UTRN: variants seen among roughly 807,000 people sequenced by gnomAD.
The protein encoded by UTRN is utrophin.
A neutral mutation model predicts 463.9 loss-of-function variants in UTRN; 283 were observed. That is an observed-to-expected ratio of 0.61 (90% CI 0.55 to 0.67). The LOEUF (loss-of-function observed/expected upper bound fraction) is 0.67, where lower values mean the gene tolerates loss of function less well. Ranked by LOEUF, UTRN falls within the 30% of genes least tolerant of loss-of-function variation. The pLI is 0.00. For missense variants in UTRN, 3,922 were observed against 4,084.3 expected, an observed-to-expected ratio of 0.96 and a Z score of 1.08; for synonymous variants, 1,442 against 1,431.5, an observed-to-expected ratio of 1.01 and a Z score of -0.17.
chr6:144,435,894 T>C (rs1786490731), intron 9 of UTRN, 41 bp from the exon 10 acceptor site: 2 of 1,602,538 alleles, frequency 1.2e-6, no homozygotes, highest in Middle Eastern at 2.2e-4. Flanking sequence ...ACCTCTTGCT[T>C]TGATGATTAG....
chr6:144,399,872 C>CTA (rs1290765988), intron 2 of UTRN, among the ~76,000 whole-genome samples: 3 of 152,136 alleles, frequency 2.0e-5, no homozygotes, highest in Admixed American at 1.3e-4. Flanking sequence ...ATGTGTCTTG[C>CTA]TATACTTCTT....
At chr6:144,630,113 A>T (rs1776355683) in intron 51 of UTRN, among the ~76,000 whole-genome samples, 1 of 152,148 alleles carries the variant, frequency 6.6e-6, no homozygotes. Context: ...GCATGAACCC[A>T]GGAGGCGGAG....
At chr6:144,373,670 G>T (rs1219106800) in intron 2 of UTRN, among the ~76,000 whole-genome samples, 1 of 152,188 alleles carries the variant, frequency 6.6e-6, no homozygotes, top group East Asian at 1.9e-4. Flanking sequence ...ATTTTATGGC[G>T]TGTGAATTAC....
At chr6:144,774,194 A>G in intron 59 of UTRN, 96 bp from the exon 60 acceptor site, 1 of 1,199,222 alleles carries the variant, frequency 8.3e-7, no homozygotes, top group Admixed American at 3.1e-5. Context: ...CAAACATAAT[A>G]TTTTTTCATC....
chr6:144,818,343 T>C (rs1779263604), intron 65 of UTRN, among the ~76,000 whole-genome samples: 1 of 151,168 alleles, frequency 6.6e-6, no homozygotes, highest in Non-Finnish European at 1.5e-5. Flanking sequence ...TGGTGATTTT[T>C]TTTAACTTTA....
intron 2 of UTRN, among the ~76,000 whole-genome samples, chr6:144,334,474 G>A (rs1381518723): frequency 6.6e-6 from 1 of 152,000 alleles, no homozygotes; most frequent in East Asian, 1.9e-4. Flanking sequence ...CTCATAATCC[G>A]GGCAGCCTCA....
intron 23 of UTRN, among the ~76,000 whole-genome samples, chr6:144,465,519 T>A (rs1156997634): frequency 4.6e-5 from 7 of 152,260 alleles, no homozygotes; most frequent in African/African-American, 1.4e-4. Flanking sequence ...GTACTTTTTT[T>A]ATTTGCTTCT....
intron 50 of UTRN, among the ~76,000 whole-genome samples, chr6:144,569,761 G>A (rs1800766116): frequency 6.6e-6 from 1 of 152,148 alleles, no homozygotes; most frequent in South Asian, 2.1e-4. Flanking sequence ...GATTATTCTG[G>A]ATTTTCTGGG....
chr6:144,577,004 G>A, intron 50 of UTRN, 95 bp from the exon 51 acceptor site: 1 of 1,221,070 alleles, frequency 8.2e-7, no homozygotes, highest in South Asian at 1.5e-5. Context: ...GGTCCTTTGG[G>A]GGCTGCCTGT....
Position 144,603,495 on chromosome 6 carries a change from T to C in UTRN, c.7479+26207T>C, listed in dbSNP as rs188341840. ...AGTGATTACTTGTAAGAATTTTTTGTTATATTTATTGACCCTTTGTCCATG... is the reference window on the plus strand; with the variant it reads ...AGTGATTACTTGTAAGAATTTTTTGCTATATTTATTGACCCTTTGTCCATG... On this transcript the variant is annotated intron_variant, in intron 51 of 74. Transcript: ENST00000367545. Among the ~76,000 whole-genome samples the C allele has an allele frequency of 4.5e-4, 69 of 152,332 alleles. 2 individuals are homozygous for C. The highest frequency in any genetic ancestry group is 1.5e-3 in the African/African-American group (63 of 41,584).
chr6:144,490,288 T>C (rs1792932730), intron 31 of UTRN, 89 bp downstream of exon 31: 6 of 1,504,432 alleles, frequency 4.0e-6, no homozygotes, highest in Non-Finnish European at 4.4e-6. Context: ...TGGGCACCGT[T>C]TGTATTCTTT....
chr6:144,401,474 A>T (rs140275186), intron 2 of UTRN, among the ~76,000 whole-genome samples: 1 of 152,270 alleles, frequency 6.6e-6, no homozygotes, highest in African/African-American at 2.4e-5. Flanking sequence ...TAAATGGCTT[A>T]TGTGGCCTTG....
At chr6:144,302,719 T>TG (rs1379652755) in intron 2 of UTRN, among the ~76,000 whole-genome samples, 1 of 151,908 alleles carries the variant, frequency 6.6e-6, no homozygotes, top group African/African-American at 2.4e-5. Flanking sequence ...CAGGGACACA[T>TG]GGAGGGAGGA....
intron 65 of UTRN, among the ~76,000 whole-genome samples, chr6:144,806,775 A>G: frequency 8.1e-6 from 1 of 123,688 alleles, no homozygotes; most frequent in African/African-American, 2.9e-5. Flanking sequence ...TGCCTAAACC[A>G]GGTATCAAGT....
At chr6:144,797,260 C>T (rs531703773) in intron 63 of UTRN, among the ~76,000 whole-genome samples, 1 of 151,018 alleles carries the variant, frequency 6.6e-6, no homozygotes, top group East Asian at 2.0e-4. Context: ...GTGATCTCGG[C>T]TCACTGCAAC....
chr6:144,807,177 C>A (rs1778225004), intron 65 of UTRN, among the ~76,000 whole-genome samples: 2 of 152,060 alleles, frequency 1.3e-5, no homozygotes, highest in Non-Finnish European at 2.9e-5. Context: ...TCATCTCTTT[C>A]CTTTTCAAAG....
intron 73 of UTRN, 26 bp from the exon 74 acceptor site, chr6:144,846,779 G>A (rs772846856): frequency 1.2e-6 from 2 of 1,613,954 alleles, no homozygotes; most frequent in South Asian, 1.1e-5. Flanking sequence ...CTGCCATTAA[G>A]TGATTTCTTT....
intron 1 of UTRN, among the ~76,000 whole-genome samples, chr6:144,287,778 A>G (rs1469594028): frequency 6.6e-6 from 1 of 152,170 alleles, no homozygotes; most frequent in Non-Finnish European, 1.5e-5. Context: ...TATCGACTTG[A>G]CTGGATTGGT....
intron 51 of UTRN, among the ~76,000 whole-genome samples, chr6:144,631,888 G>A (rs935467139): frequency 1.3e-5 from 2 of 152,138 alleles, no homozygotes; most frequent in African/African-American, 4.8e-5. Flanking sequence ...GGGAATGGAG[G>A]CTAAATTTTC....
Sources: allele counts gnomAD v4.1 joint callset (sites outside exome capture counted in the v4.1 genomes callset), GRCh38; gene constraint gnomAD v4.1.1; transcripts MANE v1.5; gene names NCBI Gene and HGNC (gene_info 2026-07-23, HGNC 2026-07-21).